Variants in AP2A2 observed in about 807,000 individuals in gnomAD.
AP2A2 encodes AP-2 complex subunit alpha-2.
Under a neutral mutation model 104.2 loss-of-function variants are expected in AP2A2, and 32 were observed. The observed-to-expected ratio is 0.31, with a 90% CI of 0.23 to 0.41. The LOEUF (loss-of-function observed/expected upper bound fraction) is 0.41. Among genes scored for constraint, AP2A2 ranks in the 10% least tolerant of loss-of-function variants. The probability of loss-of-function intolerance (pLI) is 1.00; values close to 1 mark genes in which losing one functional copy is unlikely to be tolerated. For synonymous variants in AP2A2, 539 were observed against 533.3 expected (o/e 1.01, Z -0.15); for missense variants, 912 against 1,261.0 (o/e 0.72, Z 4.19).
intron 8 of AP2A2, among the ~76,000 whole-genome samples, chr11:985,929 G>A (rs1165682790): frequency 2.6e-5 from 4 of 152,258 alleles, no homozygotes; most frequent in African/African-American, 4.8e-5. Context: ...TTTGCTGGAT[G>A]TGGAGCCGCA....
chr11:937,066 G>T (rs1331697808), intron 1 of AP2A2, among the ~76,000 whole-genome samples: 2 of 152,060 alleles, frequency 1.3e-5, no homozygotes, highest in Admixed American at 1.3e-4. Flanking sequence ...TGTCGCCCAG[G>T]CTGGAGTGCA....
chr11:1,009,521 C>T (rs2133795820), intron 20 of AP2A2, 124 bp downstream of exon 20: 1 of 1,320,700 alleles, frequency 7.6e-7, no homozygotes, highest in Non-Finnish European at 1.0e-6. Flanking sequence ...AGGGACGGCC[C>T]CGGGGGACAC....
At position 993,624 on chromosome 11, in the gene AP2A2, T is replaced by C. The variant is rs1330174649; in HGVS notation, c.1551-130T>C. ...GCGTCTTTGCGGTGGGATCTGGAGC[T>C]GGAAGAGGGTCCCGACCAGCGGCCT... On this transcript the variant is annotated intron_variant, in intron 12 of 21. Transcript: ENST00000448903. This position sits in a 1 kb window ranked among gnomAD's most constrained non-coding sequence, Gnocchi z 8.2. 2.1e-5 allele frequency: 15 copies of C among 712,658 alleles called. No individual in the cohort carries two copies. Among genetic ancestry groups the C allele is most frequent in the Non-Finnish European group, 3.2e-5 (14 of 435,702 alleles). 44.1% of individuals were successfully genotyped at this position (712,658 alleles called of 1,614,324 possible). A position where few individuals can be genotyped will look rare whatever the true frequency, so the allele number is the denominator to read the frequency against.
intron 14 of AP2A2, 97 bp downstream of exon 14, chr11:994,342 C>A (rs1235225332): frequency 5.4e-6 from 8 of 1,474,714 alleles, no homozygotes; most frequent in Non-Finnish European, 6.4e-6. Flanking sequence ...GGAGCATGTA[C>A]TGAGAACCCA....
intron 16 of AP2A2, 130 bp downstream of exon 16, chr11:1,003,934 G>T (rs1000540235): frequency 4.7e-6 from 2 of 424,016 alleles, no homozygotes; most frequent in Non-Finnish European, 7.8e-6. Context: ...AACTCAGTAA[G>T]AAAGCAGCCC....
chr11:981,857 G>A (rs929487075), intron 6 of AP2A2, among the ~76,000 whole-genome samples: 2 of 152,236 alleles, frequency 1.3e-5, no homozygotes, highest in Admixed American at 6.5e-5. Flanking sequence ...GATGTCCCTT[G>A]GTTTCCATGT....
In AP2A2 at chr11:968,893, C is replaced by T. The variant is rs1460391572; in HGVS notation, c.137-1276C>T. On this transcript the variant is annotated intron_variant, in intron 2 of 21. Coordinates refer to ENST00000448903, the MANE Select transcript of AP2A2 (RefSeq NM_012305.4). The surrounding 1 kb of genome is among the most constrained non-coding windows in gnomAD (Gnocchi z 4.2). ...AAGGAGGGGGGTTTCTCATGAGCTC[C>T]TCAGAGTGCAGCATGCAGCTGACTG... 6.6e-6 allele frequency among the ~76,000 whole-genome samples: 1 copy of T among 152,174 alleles called. No homozygotes were observed. The highest frequency in any genetic ancestry group is 1.9e-4 in the East Asian group (1 of 5,188).
intron 1 of AP2A2, among the ~76,000 whole-genome samples, chr11:927,020 C>T (rs7482484): frequency 0.56 from 84,459 of 152,012 alleles, 24,653 homozygotes; most frequent in Middle Eastern, 0.72. Context: ...CTGTCTGCTG[C>T]GTTGATTTTT....
chr11:954,172 C>T (rs935604507), intron 1 of AP2A2, among the ~76,000 whole-genome samples: 1 of 152,154 alleles, frequency 6.6e-6, no homozygotes, highest in Non-Finnish European at 1.5e-5. Flanking sequence ...GTTGTACGGC[C>T]GTTGGTGGCT....
chr11:958,308 G>A (rs1318345978), intron 1 of AP2A2, among the ~76,000 whole-genome samples: 1 of 152,230 alleles, frequency 6.6e-6, no homozygotes, highest in Non-Finnish European at 1.5e-5. Flanking sequence ...CAGCCTGCAG[G>A]CCTGTGAGAA....
chr11:933,893 C>T (rs1214780246), intron 1 of AP2A2, among the ~76,000 whole-genome samples: 2 of 152,110 alleles, frequency 1.3e-5, no homozygotes, highest in African/African-American at 4.8e-5. Flanking sequence ...CGTTTGTTGC[C>T]TTTTGGAGCC....
rs1221426741 is a variant in AP2A2, at chr11:925,974, C to G, written c.-48C>G. ...CACTCCCCGCTTCCCGCTCCCCGCG[C>G]TCCTCCGCCCGGGTCCGCCAGCCGA... On this transcript the variant is annotated 5_prime_UTR_variant, in exon 1 of 22. Coordinates refer to ENST00000448903, the MANE Select transcript of AP2A2 (RefSeq NM_012305.4). 7.4e-7 allele frequency: 1 copy of G among 1,355,196 alleles called. No homozygotes were observed. Among genetic ancestry groups the G allele is most frequent in the African/African-American group, 1.5e-5 (1 of 65,384 alleles). The allele number at this position is 1,355,196 out of a possible 1,614,324, so 83.9% of individuals were successfully genotyped here.
intron 14 of AP2A2, among the ~76,000 whole-genome samples, chr11:1,000,049 G>A (rs1254882065): frequency 6.6e-6 from 1 of 151,320 alleles, no homozygotes; most frequent in South Asian, 2.1e-4. Context: ...CTCGTGATCC[G>A]CCCACCTCGG....
chr11:969,456 C>T (rs1854742580), intron 2 of AP2A2, among the ~76,000 whole-genome samples: 1 of 152,078 alleles, frequency 6.6e-6, no homozygotes, highest in African/African-American at 2.4e-5. Context: ...GAACTCCTGA[C>T]CTCAGGTGAT....
chr11:997,449 C>T (rs1855891673), intron 14 of AP2A2, among the ~76,000 whole-genome samples: 1 of 152,182 alleles, frequency 6.6e-6, no homozygotes, highest in African/African-American at 2.4e-5. Flanking sequence ...GGAGGGTCTC[C>T]CAGGCCTGAG....
chr11:930,240 TG>T (rs1853245946), intron 1 of AP2A2, among the ~76,000 whole-genome samples: 1 of 151,840 alleles, frequency 6.6e-6, no homozygotes, highest in Non-Finnish European at 1.5e-5. Context: ...CAGACTGGCT[TG>T]GGGCATTACT....
At chr11:953,517 T>C (rs1854120632) in intron 1 of AP2A2, among the ~76,000 whole-genome samples, 1 of 147,362 alleles carries the variant, frequency 6.8e-6, no homozygotes, top group South Asian at 2.1e-4. Context: ...AGAGGAGGCA[T>C]GGTCTGGGTG....
intron 18 of AP2A2, chr11:1,008,455 A>C: frequency 3.3e-6 from 1 of 300,450 alleles, no homozygotes. Flanking sequence ...CCGGCTTGGT[A>C]CCAGACGACA....
At chr11:1,006,973 G>C (rs1211168893) in intron 17 of AP2A2, 1 of 204,108 alleles carries the variant, frequency 4.9e-6, no homozygotes, top group Non-Finnish European at 9.8e-6. Flanking sequence ...GCTGCTTGCA[G>C]AGTGTGGGAG....
Sources: gnomAD v4.1 joint callset for allele counts (sites outside exome capture counted in the v4.1 genomes callset) on GRCh38, gnomAD v4.1.1 for gene constraint, Gnocchi (gnomAD v3.1) non-coding constraint, MANE v1.5 for transcripts, NCBI Gene and HGNC (gene_info 2026-07-23, HGNC 2026-07-21) for gene names.